TAFA2: variants seen among roughly 807,000 people sequenced by gnomAD.
TAFA2 encodes chemokine-like protein TAFA-2.
In TAFA2, 7 loss-of-function variants were observed where a neutral mutation model predicts 18.8. The ratio of observed to expected loss-of-function variants is 0.37; its 90% CI spans 0.21 to 0.70. The LOEUF (loss-of-function observed/expected upper bound fraction) is 0.70, where lower values mean the gene tolerates loss of function less well. Ranked by LOEUF, TAFA2 falls within the 30% of genes least tolerant of loss-of-function variation. TAFA2 has a pLI of 0.53. For synonymous variants in TAFA2, 60 were observed against 54.2 expected, an observed-to-expected ratio of 1.11 and a Z score of -0.47; for missense variants, 122 against 158.1, an observed-to-expected ratio of 0.77 and a Z score of 1.23.
At chr12:61,984,312 T>G (rs938309319) in intron 1 of TAFA2, among the ~76,000 whole-genome samples, 10 of 152,238 alleles carry the variant, frequency 6.6e-5, no homozygotes, top group Admixed American at 3.9e-4. Flanking sequence ...CTCATGGGGC[T>G]TACATTCATG....
At chr12:62,043,457 C>A (rs190865061) in intron 1 of TAFA2, among the ~76,000 whole-genome samples, 1 of 142,820 alleles carries the variant, frequency 7.0e-6, no homozygotes, top group Non-Finnish European at 1.5e-5. Context: ...ACTCCGGGGA[C>A]TGTTGTGAGG....
intron 2 of TAFA2, among the ~76,000 whole-genome samples, chr12:61,806,883 C>A (rs1871636953): frequency 6.6e-6 from 1 of 152,116 alleles, no homozygotes; most frequent in Non-Finnish European, 1.5e-5. Context: ...TGCTAAGCAG[C>A]AAAGCCTTCA....
At chr12:62,005,961 C>T (rs1000674489) in intron 1 of TAFA2, among the ~76,000 whole-genome samples, 7 of 152,148 alleles carry the variant, frequency 4.6e-5, no homozygotes, top group African/African-American at 1.7e-4. Flanking sequence ...ATTTACAATT[C>T]ATCATTTTCC....
intron 1 of TAFA2, among the ~76,000 whole-genome samples, chr12:62,097,305 T>C (rs1868994583): frequency 6.6e-6 from 1 of 152,060 alleles, no homozygotes; most frequent in Non-Finnish European, 1.5e-5. Flanking sequence ...CTGAAGGCAT[T>C]TCTGAGGAGG....
chr12:62,059,147 G>GTGTGTGTGTGTGTGTA (rs1882276575), intron 1 of TAFA2, among the ~76,000 whole-genome samples: 1 of 149,848 alleles, frequency 6.7e-6, no homozygotes, highest in Admixed American at 6.7e-5. Flanking sequence ...ATATGTGTGT[G>GTGTGTGTGTGTGTGTA]TGTGTGTGTG....
At chr12:62,094,676 T>G (rs1022008326) in intron 1 of TAFA2, among the ~76,000 whole-genome samples, 4 of 151,998 alleles carry the variant, frequency 2.6e-5, no homozygotes, top group Admixed American at 6.6e-5. Context: ...CTAAACACAT[T>G]AAGCATATTC....
chr12:62,047,024 C>T (rs1881927688), intron 1 of TAFA2, among the ~76,000 whole-genome samples: 1 of 151,192 alleles, frequency 6.6e-6, no homozygotes, highest in African/African-American at 2.4e-5. Flanking sequence ...AGGTTAACAC[C>T]CATAGAAAAT....
intron 1 of TAFA2, among the ~76,000 whole-genome samples, chr12:61,941,605 G>A (rs560565798): frequency 3.5e-4 from 54 of 152,332 alleles, no homozygotes; most frequent in East Asian, 1.5e-3. Context: ...TGCACCGTGC[G>A]TGAGCCGAAG....
At chr12:61,722,500 C>T (rs1869952328) in intron 4 of TAFA2, among the ~76,000 whole-genome samples, 1 of 152,066 alleles carries the variant, frequency 6.6e-6, no homozygotes, top group African/African-American at 2.4e-5. Context: ...GCAGTGGACA[C>T]ATGTAGTTGA....
At chr12:61,918,471 G>A (rs1311248280) in intron 1 of TAFA2, among the ~76,000 whole-genome samples, 3 of 152,016 alleles carry the variant, frequency 2.0e-5, no homozygotes, top group Non-Finnish European at 4.4e-5. Context: ...CATCTACATT[G>A]TTGCAAATGA....
intron 2 of TAFA2, among the ~76,000 whole-genome samples, chr12:61,833,614 T>C (rs1409805052): frequency 6.6e-6 from 1 of 152,084 alleles, no homozygotes; most frequent in Non-Finnish European, 1.5e-5. Flanking sequence ...ATCGTGTAAC[T>C]TCTATCATGG....
chr12:61,936,910 A>G (rs1877792950), intron 1 of TAFA2, among the ~76,000 whole-genome samples: 1 of 152,158 alleles, frequency 6.6e-6, no homozygotes, highest in Non-Finnish European at 1.5e-5. Context: ...CCATATACCT[A>G]GGACACCCTA....
At chr12:62,130,981 A>G (rs547100506) in intron 1 of TAFA2, among the ~76,000 whole-genome samples, 60 of 152,146 alleles carry the variant, frequency 3.9e-4, no homozygotes, top group Admixed American at 6.6e-4. Context: ...GCTTAACAAA[A>G]TGTTAGCTAC....
chr12:62,034,399 C>T (rs1881546212), intron 1 of TAFA2, among the ~76,000 whole-genome samples: 1 of 152,288 alleles, frequency 6.6e-6, no homozygotes, highest in East Asian at 1.9e-4. Context: ...TATAAAAGTA[C>T]TCAAACAGAA....
chr12:61,982,876 CAA>C lies in TAFA2; in HGVS notation c.-1-115452_-1-115451del, dbSNP rs3031097. 9.8e-4 allele frequency among the ~76,000 whole-genome samples: 100 copies of C among 101,588 alleles called. 1 individual carries two copies. Among genetic ancestry groups the C allele is most frequent in the Non-Finnish European group, 1.1e-3 (56 of 50,232 alleles). 66.6% of individuals were successfully genotyped at this position (101,588 alleles called of 152,430 possible). A position where few individuals can be genotyped will look rare whatever the true frequency, so the allele number is the denominator to read the frequency against. ...TATATTCCCACCAGCAAGTGGAAGGCAAAAAAAAAAAAAAAAAAGTTACTTTT... is the reference window on the plus strand; with the variant it reads ...TATATTCCCACCAGCAAGTGGAAGGCAAAAAAAAAAAAAAAAGTTACTTTT... On this transcript the variant is annotated intron_variant, in intron 1 of 4. Coordinates refer to ENST00000416284, the MANE Select transcript of TAFA2 (RefSeq NM_178539.5).
At chr12:61,840,816 T>C (rs958006273) in intron 2 of TAFA2, among the ~76,000 whole-genome samples, 5 of 152,104 alleles carry the variant, frequency 3.3e-5, no homozygotes, top group African/African-American at 1.2e-4. Flanking sequence ...GACAGGTAGA[T>C]ATTTGGGAGA....
At chr12:62,149,877 T>C (rs1592367388) in intron 1 of TAFA2, among the ~76,000 whole-genome samples, 1 of 152,188 alleles carries the variant, frequency 6.6e-6, no homozygotes, top group East Asian at 1.9e-4. Context: ...ATTTCTGCCT[T>C]ATTTGTGAAA....
chr12:61,737,794 T>C (rs2120684614), intron 4 of TAFA2, among the ~76,000 whole-genome samples: 1 of 152,148 alleles, frequency 6.6e-6, no homozygotes, highest in Admixed American at 6.6e-5. Flanking sequence ...TGCTACAAAA[T>C]ATGAAATCTA....
intron 2 of TAFA2, among the ~76,000 whole-genome samples, chr12:61,794,427 C>A (rs1377729926): frequency 2.6e-5 from 4 of 151,830 alleles, no homozygotes; most frequent in Admixed American, 6.6e-5. Flanking sequence ...TTTAGAGTAG[C>A]ATCACAAAAT....
Sources: allele counts gnomAD v4.1 joint callset (sites outside exome capture counted in the v4.1 genomes callset), GRCh38; gene constraint gnomAD v4.1.1; transcripts MANE v1.5; gene names NCBI Gene and HGNC (gene_info 2026-07-23, HGNC 2026-07-21).